The following RIN2 variants were observed in gnomAD, a reference collection of about 807,000 sequenced individuals.
RIN2 encodes the protein Ras and Rab interactor 2.
Under a neutral mutation model 78.0 loss-of-function variants are expected in RIN2, and 36 were observed. That is an observed-to-expected ratio of 0.46 (90% CI 0.35 to 0.61). The LOEUF (loss-of-function observed/expected upper bound fraction) is 0.61, where lower values mean the gene tolerates loss of function less well. RIN2 is among the 20% of genes least tolerant of loss of function. The pLI, the probability that RIN2 is intolerant of heterozygous loss-of-function variation, is 0.00. For synonymous variants in RIN2, 466 were observed against 466.8 expected (o/e 1.00, Z 0.02); for missense variants, 1,087 against 1,159.7 (o/e 0.94, Z 0.91).
intron 1 of RIN2, among the ~76,000 whole-genome samples, chr20:19,796,119 G>A (rs1043541322): frequency 6.6e-6 from 1 of 152,016 alleles, no homozygotes; most frequent in Non-Finnish European, 1.5e-5. Context: ...AGTAGGTTAG[G>A]GCAAAGTGTA....
At chr20:19,926,326 T>C (rs1252935181) in intron 3 of RIN2, among the ~76,000 whole-genome samples, 2 of 151,646 alleles carry the variant, frequency 1.3e-5, no homozygotes, top group Non-Finnish European at 2.9e-5. Flanking sequence ...TTGGGAGGAG[T>C]AATACACAAA....
chr20:19,810,516 T>C (rs2035556664), intron 2 of RIN2, among the ~76,000 whole-genome samples: 1 of 152,098 alleles, frequency 6.6e-6, no homozygotes, highest in East Asian at 1.9e-4. Context: ...CCGATTTGAT[T>C]CTGTTTTCCC....
At chr20:19,987,597 T>C (rs1385241992) in intron 9 of RIN2, among the ~76,000 whole-genome samples, 6 of 152,184 alleles carry the variant, frequency 3.9e-5, no homozygotes, top group Non-Finnish European at 7.3e-5. Flanking sequence ...AAGGATTAGA[T>C]GATAGTGAAG....
chr20:19,830,441 T>C (rs2122992125), intron 2 of RIN2, among the ~76,000 whole-genome samples: 1 of 152,300 alleles, frequency 6.6e-6, no homozygotes, highest in East Asian at 1.9e-4. Context: ...AGCATCTTCC[T>C]GCCACATGAG....
intron 1 of RIN2, among the ~76,000 whole-genome samples, chr20:19,780,329 GT>G (rs2034458191): frequency 6.6e-6 from 1 of 152,222 alleles, no homozygotes. Context: ...GAATTGATAT[GT>G]TTTGAAGAAG....
chr20:19,977,693 T>TCTG (rs1331350183), intron 9 of RIN2, among the ~76,000 whole-genome samples: 1 of 152,130 alleles, frequency 6.6e-6, no homozygotes, highest in African/African-American at 2.4e-5. Context: ...AGCTCACTGT[T>TCTG]CTGCTGCTGC....
chr20:19,959,198 G>A (rs199561), intron 5 of RIN2, among the ~76,000 whole-genome samples: 14,398 of 152,172 alleles, frequency 0.095, 1,151 homozygotes, highest in African/African-American at 0.22. Context: ...ACAGATGGCA[G>A]GATGGATTTC....
chr20:19,882,778 T>C (rs902536042), intron 2 of RIN2, among the ~76,000 whole-genome samples: 1 of 152,178 alleles, frequency 6.6e-6, no homozygotes, highest in African/African-American at 2.4e-5. Flanking sequence ...CACTAGTCCA[T>C]GTATACACGG....
chr20:19,762,265 A>G lies in RIN2; in HGVS notation c.-163+3938A>G, dbSNP rs2033669416. 3.3e-5 allele frequency among the ~76,000 whole-genome samples: 5 copies of G among 152,184 alleles called. No homozygotes were observed. In the South Asian group the frequency reaches 1.0e-3, roughly 31 times the overall value. The stretch of plus-strand genomic sequence containing the variant: ...AATCTACTGTTAGAGCACCTTCCAC[A>G]GACCAGTAACCTCAGCTATTGAGGC... On this transcript the variant is annotated intron_variant, in intron 1 of 12. Coordinates refer to ENST00000255006, the MANE Select transcript of RIN2 (RefSeq NM_018993.4).
At position 20,001,227 on chromosome 20, in the gene RIN2, G is replaced by C; in HGVS notation, c.*291G>C. On this transcript the variant is annotated 3_prime_UTR_variant, in exon 13 of 13. Transcript: ENST00000255006. ...AGTCAGGTTCTAGGTTGGCTTACAG[G>C]TATGTATATGTGCAGAAGAAACACT... 2.5e-6 allele frequency: 1 copy of C among 397,746 alleles called. No homozygotes were observed. Among genetic ancestry groups the C allele is most frequent in the Non-Finnish European group, 4.6e-6 (1 of 217,048 alleles). 24.6% of individuals were successfully genotyped at this position (397,746 alleles called of 1,614,324 possible).
intron 2 of RIN2, among the ~76,000 whole-genome samples, chr20:19,833,295 A>T (rs1022768719): frequency 6.6e-6 from 1 of 152,072 alleles, no homozygotes; most frequent in African/African-American, 2.4e-5. Context: ...ATATATATAT[A>T]TTTTAACTTT....
intron 11 of RIN2, among the ~76,000 whole-genome samples, chr20:19,995,270 A>AAC (rs1441859864): frequency 1.1e-4 from 17 of 151,486 alleles, no homozygotes; most frequent in African/African-American, 3.6e-4. Context: ...TTAAAAAAAA[A>AAC]AAAAAAAACA....
At chr20:19,807,069 G>A (rs538659189) in intron 2 of RIN2, among the ~76,000 whole-genome samples, 1 of 152,318 alleles carries the variant, frequency 6.6e-6, no homozygotes, top group South Asian at 2.1e-4. Context: ...AGTCCAGGTT[G>A]GTGGGCATGG....
chr20:19,995,222 G>A (rs949459880), intron 11 of RIN2, among the ~76,000 whole-genome samples: 2 of 146,458 alleles, frequency 1.4e-5, no homozygotes, highest in Non-Finnish European at 3.0e-5. Flanking sequence ...CTAACTTCTG[G>A]TCCCTGCAGG....
chr20:19,938,745 T>A (rs1600870357), intron 4 of RIN2, among the ~76,000 whole-genome samples: 1 of 152,320 alleles, frequency 6.6e-6, no homozygotes, highest in South Asian at 2.1e-4. Context: ...ATATGTAGTT[T>A]TAAAAGGTGG....
At chr20:19,994,485 TTG>T in intron 11 of RIN2, among the ~76,000 whole-genome samples, 1 of 152,344 alleles carries the variant, frequency 6.6e-6, no homozygotes, top group East Asian at 1.9e-4. Flanking sequence ...GGTTATAGTC[TTG>T]CTGAAATTTA....
At chr20:19,857,493 A>G (rs60475126) in intron 2 of RIN2, among the ~76,000 whole-genome samples, 1,641 of 152,304 alleles carry the variant, frequency 0.011, 31 homozygotes, top group African/African-American at 0.037. Context: ...TTTTGGATGT[A>G]TAACTAAGAG....
rs188049434 is a variant in RIN2 at position 19,886,741 on chromosome 20, G to A, written c.-36-2825G>A. On this transcript the variant is annotated intron_variant, in intron 2 of 12. Transcript: ENST00000255006. ...CCAGGAAAAGAACAAGCTTCCAACC[G>A]GTACAAGTCTGGAGGAATTTCACAG... 2.0e-5 allele frequency: 31 copies of A among 1,545,878 alleles called. No individual in the cohort carries two copies. The Admixed American group carries it at 3.8e-4, about 19-fold the overall frequency.
At chr20:19,856,666 T>C (rs1209794449) in intron 2 of RIN2, among the ~76,000 whole-genome samples, 1 of 151,936 alleles carries the variant, frequency 6.6e-6, no homozygotes, top group Non-Finnish European at 1.5e-5. Context: ...GATATTGCCA[T>C]GGTTTAATTG....
Sources: gnomAD v4.1 joint callset for allele counts (sites outside exome capture counted in the v4.1 genomes callset) on GRCh38, gnomAD v4.1.1 for gene constraint, MANE v1.5 for transcripts, NCBI Gene and HGNC (gene_info 2026-07-23, HGNC 2026-07-21) for gene names.